STK32B: variants seen among roughly 807,000 people sequenced by gnomAD.
STK32B encodes serine/threonine kinase 32B.
Under a neutral mutation model 52.6 loss-of-function variants are expected in STK32B, and 43 were observed. That is an observed-to-expected ratio of 0.82 (90% CI 0.64 to 1.05). The LOEUF (loss-of-function observed/expected upper bound fraction) is 1.05, where lower values mean the gene tolerates loss of function less well. Among genes scored for constraint, STK32B ranks in the 50% least tolerant of loss-of-function variants. STK32B has a pLI of 0.00. For missense variants in STK32B, 621 were observed against 534.6 expected (o/e 1.16, Z -1.59); for synonymous variants, 238 against 204.3 (o/e 1.17, Z -1.41).
At chr4:5,144,188 C>G (rs1049760240) in intron 2 of STK32B, among the ~76,000 whole-genome samples, 1 of 152,166 alleles carries the variant, frequency 6.6e-6, no homozygotes, top group Middle Eastern at 3.2e-3. Context: ...AGAGAGCAAG[C>G]AGCTTGAAAA....
chr4:5,207,302 C>T (rs1216871860), intron 3 of STK32B, among the ~76,000 whole-genome samples: 1 of 152,210 alleles, frequency 6.6e-6, no homozygotes, highest in Admixed American at 6.5e-5. Context: ...GAGACGGACT[C>T]AGTGGGAGCT....
At chr4:5,054,564 A>G (rs1234067526) in intron 1 of STK32B, among the ~76,000 whole-genome samples, 1 of 152,188 alleles carries the variant, frequency 6.6e-6, no homozygotes, top group Non-Finnish European at 1.5e-5. Flanking sequence ...ATGAAGCTGA[A>G]AGGCACAAAA....
intron 3 of STK32B, among the ~76,000 whole-genome samples, chr4:5,262,800 C>T (rs1050641383): frequency 6.6e-6 from 1 of 152,122 alleles, no homozygotes; most frequent in African/African-American, 2.4e-5. Flanking sequence ...ATAATCATTG[C>T]AGAGCTTATC....
intron 9 of STK32B, among the ~76,000 whole-genome samples, chr4:5,461,502 C>T (rs1272316482): frequency 6.6e-6 from 1 of 152,216 alleles, no homozygotes; most frequent in African/African-American, 2.4e-5. Flanking sequence ...GGTAGCAGCG[C>T]ACACGCACGT....
Position 5,395,932 on chromosome 4 carries a change from A to G in STK32B, c.435-2275A>G, listed in dbSNP as rs975128437. ...CCCCATTCTGTTCTCAGGATATGAGACAATGTGCGCCGGTGCAATGTGGAT... is the reference window on the plus strand; with the variant it reads ...CCCCATTCTGTTCTCAGGATATGAGGCAATGTGCGCCGGTGCAATGTGGAT... On this transcript the variant is annotated intron_variant, in intron 4 of 11. Coordinates refer to ENST00000282908, the MANE Select transcript of STK32B (RefSeq NM_018401.3). This position sits in a 1 kb window ranked among gnomAD's most constrained non-coding sequence, Gnocchi z 4.4. 1.3e-5 allele frequency among the ~76,000 whole-genome samples: 2 copies of G among 152,144 alleles called. No homozygotes were observed. Among genetic ancestry groups the G allele is most frequent in the African/African-American group, 2.4e-5 (1 of 41,436 alleles).
chr4:5,390,855 G>C (rs1736552601), intron 4 of STK32B, among the ~76,000 whole-genome samples: 1 of 152,014 alleles, frequency 6.6e-6, no homozygotes, highest in African/African-American at 2.4e-5. Flanking sequence ...CCAGTTTCCA[G>C]TGGTCTCAGG....
intron 3 of STK32B, among the ~76,000 whole-genome samples, chr4:5,320,562 T>G (rs6822662): frequency 0.24 from 36,234 of 152,114 alleles, 7,089 homozygotes; most frequent in African/African-American, 0.55. Flanking sequence ...TCAGGTCAAG[T>G]CTCAAGTTAC....
At chr4:5,057,353 G>A (rs1742045706) in intron 1 of STK32B, among the ~76,000 whole-genome samples, 1 of 152,146 alleles carries the variant, frequency 6.6e-6, no homozygotes, top group African/African-American at 2.4e-5. Context: ...CAGTAGCTTG[G>A]CAGCTCTTAA....
At chr4:5,364,056 A>G (rs1734713345) in intron 4 of STK32B, among the ~76,000 whole-genome samples, 1 of 151,942 alleles carries the variant, frequency 6.6e-6, no homozygotes, top group Non-Finnish European at 1.5e-5. Context: ...AAAAAATCAA[A>G]CCATATCACT....
At chr4:5,101,095 A>G (rs1424760453) in intron 1 of STK32B, among the ~76,000 whole-genome samples, 1 of 151,942 alleles carries the variant, frequency 6.6e-6, no homozygotes, top group African/African-American at 2.4e-5. Context: ...GTGTTGCCCA[A>G]GCTGCTCTCA....
At chr4:5,208,867 T>C (rs1237224795) in intron 3 of STK32B, among the ~76,000 whole-genome samples, 1 of 152,264 alleles carries the variant, frequency 6.6e-6, no homozygotes, top group African/African-American at 2.4e-5. Context: ...TTGTGTCAGA[T>C]AAATGATCAC....
chr4:5,498,940 TGCAGGCTCAGGAGGCA>T lies in STK32B; in HGVS notation c.1108_1123del (p.Leu370AspfsTer66). On this transcript the variant is annotated splice_acceptor_variant and splice_polypyrimidine_tract_variant and coding_sequence_variant and intron_variant, in exon 12 of 12. Coordinates refer to ENST00000282908, the MANE Select transcript of STK32B (RefSeq NM_018401.3). LOFTEE classifies it high-confidence loss of function. Reference sequence around the variant, plus strand: ...CCACTAACTCAGATCTGTGCTTGTTTGCAGGCTCAGGAGGCAGCAGGGACAGGGCAGCCAGCTCTTG... The same window carrying T: ...CCACTAACTCAGATCTGTGCTTGTTTGCAGGGACAGGGCAGCCAGCTCTTG... The T allele has an allele frequency of 1.2e-6, 2 of 1,611,022 alleles. No homozygotes were observed. Among genetic ancestry groups the T allele is most frequent in the East Asian group, 2.2e-5 (1 of 44,708 alleles).
chr4:5,358,707 A>G (rs4133907), intron 4 of STK32B, among the ~76,000 whole-genome samples: 26,925 of 149,332 alleles, frequency 0.18, 2,713 homozygotes, highest in African/African-American at 0.29. Flanking sequence ...ACATGCACAC[A>G]CACACACACA....
chr4:5,136,994 A>G (rs1034787120), intron 1 of STK32B, among the ~76,000 whole-genome samples: 1 of 152,194 alleles, frequency 6.6e-6, no homozygotes, highest in African/African-American at 2.4e-5. Context: ...GGGGATATGG[A>G]TGACATGGGT....
chr4:5,334,439 A>T (rs1465346623), intron 4 of STK32B, among the ~76,000 whole-genome samples: 292 of 148,614 alleles, frequency 2.0e-3, no homozygotes, highest in African/African-American at 5.2e-3. Context: ...ACAATTTGAC[A>T]TCCTCTTTTC....
At chr4:5,417,248 A>G (rs187344434) in intron 6 of STK32B, among the ~76,000 whole-genome samples, 1 of 152,298 alleles carries the variant, frequency 6.6e-6, no homozygotes, top group Admixed American at 6.5e-5. Context: ...TATTTTCCAG[A>G]ATTTAACTTG....
chr4:5,419,955 G>A lies in STK32B; in HGVS notation c.562+3021G>A, dbSNP rs1259123956. On this transcript the variant is annotated intron_variant, in intron 6 of 11. Transcript: ENST00000282908. ...ACTTGTTTTTGGGTATTTACTATAT[G>A]TCAGGTACCGAGCTAAGTGCTTTCC... 4.6e-5 allele frequency among the ~76,000 whole-genome samples: 7 copies of A among 152,180 alleles called. No individual in the cohort carries two copies. In the South Asian group the frequency reaches 1.5e-3, roughly 32 times the overall value.
At chr4:5,169,718 G>A (rs1035168772) in intron 3 of STK32B, among the ~76,000 whole-genome samples, 2 of 151,824 alleles carry the variant, frequency 1.3e-5, no homozygotes, top group African/African-American at 2.4e-5. Flanking sequence ...AATAAACCCC[G>A]TCATGTTTTG....
chr4:5,370,984 A>ATG (rs149501017), intron 4 of STK32B, among the ~76,000 whole-genome samples: 57 of 145,354 alleles, frequency 3.9e-4, no homozygotes, highest in African/African-American at 9.7e-4. Flanking sequence ...ATATATATAT[A>ATG]TGTGTGTGTG....
Sources: allele counts gnomAD v4.1 joint callset (sites outside exome capture counted in the v4.1 genomes callset), GRCh38; gene constraint gnomAD v4.1.1; non-coding constraint Gnocchi (gnomAD v3.1); transcripts MANE v1.5; gene names NCBI Gene and HGNC (gene_info 2026-07-23, HGNC 2026-07-21).